KPNA3: variants seen among roughly 807,000 people sequenced by gnomAD.
The protein encoded by KPNA3 is importin subunit alpha-4.
Under a neutral mutation model 73.8 loss-of-function variants are expected in KPNA3, and 13 were observed. The observed-to-expected ratio is 0.18, with a 90% confidence interval of 0.11 to 0.28. KPNA3 has a LOEUF of 0.28. Ranked by LOEUF, KPNA3 falls within the 10% of genes least tolerant of loss-of-function variation. The pLI is 1.00. For synonymous variants in KPNA3, 186 were observed against 206.9 expected (o/e 0.90, Z 0.87); for missense variants, 360 against 618.1 (o/e 0.58, Z 4.43).
At chr13:49,729,287 C>T (rs1264481150) in intron 6 of KPNA3, among the ~76,000 whole-genome samples, 1 of 152,004 alleles carries the variant, frequency 6.6e-6, no homozygotes, top group African/African-American at 2.4e-5. Context: ...AACAGTAAGA[C>T]AGTATATGTT....
chr13:49,776,957 T>C (rs768054072), intron 1 of KPNA3, among the ~76,000 whole-genome samples: 1 of 152,230 alleles, frequency 6.6e-6, no homozygotes, highest in Non-Finnish European at 1.5e-5. Flanking sequence ...TAGCTGAGGT[T>C]AACACTGTAT....
chr13:49,788,350 T>A (rs1192556433), intron 1 of KPNA3, among the ~76,000 whole-genome samples: 1 of 152,232 alleles, frequency 6.6e-6, no homozygotes, highest in Non-Finnish European at 1.5e-5. Flanking sequence ...TTTGCACACT[T>A]TTCTATAAGT....
At chr13:49,711,105 G>T in intron 10 of KPNA3, 83 bp from the exon 11 acceptor site, 1 of 1,332,348 alleles carries the variant, frequency 7.5e-7, no homozygotes, top group Non-Finnish European at 1.0e-6. Context: ...AGTAGTGACA[G>T]AAAAAGTAAC....
chr13:49,704,248 C>T (rs918319792), intron 15 of KPNA3, among the ~76,000 whole-genome samples: 12 of 151,886 alleles, frequency 7.9e-5, no homozygotes, highest in Non-Finnish European at 1.8e-4. Context: ...ACGGAGAAAC[C>T]CTGCCTCTAC....
intron 2 of KPNA3, among the ~76,000 whole-genome samples, chr13:49,737,432 T>C (rs1954531875): frequency 6.6e-6 from 1 of 152,210 alleles, no homozygotes; most frequent in African/African-American, 2.4e-5. Context: ...ATTTCCCTAA[T>C]AGCTAACGAT....
rs571850747 is a variant in KPNA3, at chr13:49,701,190, A to G, written c.*610T>C. The G allele has an allele frequency of 1.6e-4, 26 of 161,682 alleles. No homozygotes were observed. The highest frequency in any genetic ancestry group is 5.8e-4 in the African/African-American group (24 of 41,084). 10.0% of individuals were successfully genotyped at this position (161,682 alleles called of 1,614,324 possible). A position where few individuals can be genotyped will look rare whatever the true frequency, so the allele number is the denominator to read the frequency against. On this transcript the variant is annotated 3_prime_UTR_variant, in exon 17 of 17. Coordinates refer to ENST00000261667, the MANE Select transcript of KPNA3 (RefSeq NM_002267.4). ...TAATAAACACATCAATTACTGGTAG[A>G]TGAAGTAGTTTTTTTTTTTTTTTAA...
intron 1 of KPNA3, among the ~76,000 whole-genome samples, chr13:49,771,943 G>C (rs190749592): frequency 6.6e-6 from 1 of 152,208 alleles, no homozygotes; most frequent in East Asian, 1.9e-4. Flanking sequence ...GGCATGTATA[G>C]GCCACCACAC....
intron 2 of KPNA3, among the ~76,000 whole-genome samples, chr13:49,739,690 G>C (rs1954555679): frequency 6.6e-6 from 1 of 152,112 alleles, no homozygotes; most frequent in South Asian, 2.1e-4. Context: ...TTCTCAAACT[G>C]TTTGTTACAG....
chr13:49,764,827 T>C (rs1954796487), intron 1 of KPNA3, among the ~76,000 whole-genome samples: 1 of 152,214 alleles, frequency 6.6e-6, no homozygotes, highest in South Asian at 2.1e-4. Flanking sequence ...GCCAAAATTT[T>C]TGAAAAAGTA....
intron 6 of KPNA3, 111 bp downstream of exon 6, chr13:49,732,260 G>A (rs1321692196): frequency 4.2e-6 from 2 of 478,794 alleles, no homozygotes; most frequent in Non-Finnish European, 7.6e-6. Context: ...AATATATGAC[G>A]ATTGAAAAAC....
chr13:49,757,812 T>C (rs1455104064), intron 1 of KPNA3, among the ~76,000 whole-genome samples: 2 of 152,120 alleles, frequency 1.3e-5, no homozygotes, highest in African/African-American at 2.4e-5. Flanking sequence ...ATCCATACCA[T>C]GGAACACCAT....
chr13:49,702,316 C>G (rs898118480), intron 16 of KPNA3, 70 bp downstream of exon 16: 74 of 803,430 alleles, frequency 9.2e-5, no homozygotes, highest in Non-Finnish European at 1.5e-4. Context: ...AAGGAAAACT[C>G]TTAGTAAATT....
intron 1 of KPNA3, among the ~76,000 whole-genome samples, chr13:49,760,572 G>A (rs1954750724): frequency 6.6e-6 from 1 of 152,184 alleles, no homozygotes; most frequent in African/African-American, 2.4e-5. Context: ...CAATCGCAAT[G>A]TGTGGACCTT....
chr13:49,736,435 C>A (rs1415692545), intron 2 of KPNA3, among the ~76,000 whole-genome samples: 1 of 152,140 alleles, frequency 6.6e-6, no homozygotes, highest in Non-Finnish European at 1.5e-5. Flanking sequence ...TTTTTCCCTG[C>A]AGGATCATTT....
intron 1 of KPNA3, among the ~76,000 whole-genome samples, chr13:49,783,731 G>C (rs1169477615): frequency 1.3e-5 from 2 of 152,046 alleles, no homozygotes; most frequent in Non-Finnish European, 2.9e-5. Flanking sequence ...TTCTTGAAAT[G>C]TCATCAATTT....
intron 1 of KPNA3, among the ~76,000 whole-genome samples, chr13:49,791,581 G>A (rs1221554656): frequency 6.6e-6 from 1 of 152,224 alleles, no homozygotes; most frequent in Admixed American, 6.5e-5. Context: ...AGGTATGTAA[G>A]AGAATTATGA....
intron 1 of KPNA3, among the ~76,000 whole-genome samples, chr13:49,766,503 G>A (rs776226608): frequency 6.6e-6 from 1 of 152,040 alleles, no homozygotes; most frequent in Non-Finnish European, 1.5e-5. Flanking sequence ...CTCTTCCTGT[G>A]CTAGTGAGAC....
chr13:49,780,508 C>G (rs1954932589), intron 1 of KPNA3, among the ~76,000 whole-genome samples: 2 of 152,094 alleles, frequency 1.3e-5, no homozygotes, highest in Admixed American at 1.3e-4. Flanking sequence ...AACTCCCCAT[C>G]TGAGACCTTG....
intron 2 of KPNA3, among the ~76,000 whole-genome samples, chr13:49,743,613 C>G (rs1424658904): frequency 2.7e-5 from 4 of 148,442 alleles, no homozygotes; most frequent in Admixed American, 2.7e-4. Context: ...TCTAAGGCAA[C>G]TAAGGTGAAT....
Sources: allele counts gnomAD v4.1 joint callset (sites outside exome capture counted in the v4.1 genomes callset), GRCh38; gene constraint gnomAD v4.1.1; transcripts MANE v1.5; gene names NCBI Gene and HGNC (gene_info 2026-07-23, HGNC 2026-07-21).